SMPD3: variants seen among roughly 807,000 people sequenced by gnomAD.
The protein encoded by SMPD3 is nSMase-2.
SMPD3 carries 21 observed loss-of-function variants against 55.7 expected under a neutral mutation model. The ratio of observed to expected loss-of-function variants is 0.38; its 90% CI spans 0.27 to 0.54. SMPD3 has a LOEUF of 0.54. Among genes scored for constraint, SMPD3 ranks in the 20% least tolerant of loss-of-function variants. SMPD3 has a pLI of 0.80. For missense variants in SMPD3, 842 were observed against 899.6 expected (o/e 0.94, Z 0.82); for synonymous variants, 457 against 404.3 (o/e 1.13, Z -1.56).
chr16:68,440,814 G>A (rs74024531), intron 1 of SMPD3, among the ~76,000 whole-genome samples: 3,214 of 152,256 alleles, frequency 0.021, 116 homozygotes, highest in African/African-American at 0.073. Context: ...TTCCCCTGAG[G>A]AATCTGGGAG....
At chr16:68,400,961 T>C (rs2090200078) in intron 1 of SMPD3, among the ~76,000 whole-genome samples, 1 of 152,246 alleles carries the variant, frequency 6.6e-6, no homozygotes. Context: ...ATGCTTGTGA[T>C]TGGATCTGCT....
Position 68,363,842 on chromosome 16 carries a change from G to A in SMPD3, c.1580C>T (p.Ser527Phe), listed in dbSNP as rs2089393267. The A allele has an allele frequency of 1.3e-6, 2 of 1,568,370 alleles. No homozygotes were observed. Among genetic ancestry groups the A allele is most frequent in the Middle Eastern group, 1.7e-4 (1 of 5,998 alleles). Residue 527 changes from serine to phenylalanine, a missense_variant, in exon 6 of 9, where the codon TCC becomes TTC. By Grantham distance (155) the Ser-to-Phe change is radical. Coordinates refer to ENST00000219334, the MANE Select transcript of SMPD3 (RefSeq NM_018667.4). ...SSDDKLEQQH[S>F]LFTHYRDPCR... is the part of the protein sequence containing the mutation. ...GGGGTCCCTGTAGTGGGTGAACAGG[G>A]AGTGTTGCTGCTCCAGCTTGTCGTC...
chr16:68,367,665 T>G (rs2151978227), intron 3 of SMPD3: 1 of 152,298 alleles, frequency 6.6e-6, no homozygotes, highest in Non-Finnish European at 1.5e-5. Context: ...GAGGTCCTGC[T>G]CCCTCCCGCC....
At chr16:68,374,139 T>G (rs1028199224) in intron 2 of SMPD3, among the ~76,000 whole-genome samples, 12 of 152,198 alleles carry the variant, frequency 7.9e-5, no homozygotes, top group Non-Finnish European at 1.5e-4. Context: ...AGTCCCAGGC[T>G]TGCACCAGCA....
chr16:68,364,412 A>G (rs372343929), intron 5 of SMPD3: 10 of 274,636 alleles, frequency 3.6e-5, no homozygotes, highest in African/African-American at 2.0e-4. Flanking sequence ...CTTAAGTGAA[A>G]CAGCGATAGA....
In SMPD3 at chr16:68,380,082, GTCAC is replaced by G. The variant is rs2089914611; in HGVS notation, c.-207+6512_-207+6515del. The stretch of plus-strand genomic sequence containing the variant: ...CCTGACTGCCCACTCTCTACCACCT[GTCAC>G]TCCAAAGTCATCTATTAGTGACCAC... On this transcript the variant is annotated intron_variant, in intron 2 of 8. Transcript: ENST00000219334. Among the ~76,000 whole-genome samples, 6 of 152,248 alleles carry G rather than the reference GTCAC, an allele frequency of 3.9e-5. No homozygotes were observed. In the South Asian group the frequency reaches 6.2e-4, roughly 16 times the overall value.
chr16:68,434,732 T>C (rs1045138555), intron 1 of SMPD3, among the ~76,000 whole-genome samples: 4 of 152,198 alleles, frequency 2.6e-5, no homozygotes, highest in African/African-American at 9.7e-5. Context: ...AAGGGAGACA[T>C]CTTGTTTCTC....
Position 68,361,676 on chromosome 16 carries a change from AGCTCCTTCC to A in SMPD3, c.1784_1792del (p.Arg595_Glu597del), listed in dbSNP as rs768723478. 4.8e-5 allele frequency: 78 copies of A among 1,612,734 alleles called. No homozygotes were observed. The Middle Eastern group carries it at 8.2e-4, about 17-fold the overall frequency. ...GATGCGCCGGCCGTTGCCCTTCAGC[AGCTCCTTCC>A]GCCCCTTCTGGCCCGAGCTCTTGCT... On this transcript the variant is annotated inframe_deletion, in exon 8 of 9. Transcript: ENST00000219334.
intron 1 of SMPD3, among the ~76,000 whole-genome samples, chr16:68,386,878 T>G (rs894248006): frequency 6.6e-6 from 1 of 152,046 alleles, no homozygotes; most frequent in African/African-American, 2.4e-5. Context: ...GGCCCGAGGT[T>G]TGTGTGACAG....
intron 1 of SMPD3, among the ~76,000 whole-genome samples, chr16:68,423,266 C>T (rs1040313405): frequency 6.6e-6 from 1 of 152,164 alleles, no homozygotes; most frequent in Non-Finnish European, 1.5e-5. Context: ...CCTGGGATTC[C>T]TCAGAGAGTT....
chr16:68,361,173 A>G lies in SMPD3; in HGVS notation c.*33T>C, dbSNP rs564777230. On this transcript the variant is annotated 3_prime_UTR_variant, in exon 9 of 9. Transcript: ENST00000219334. ...GGCCCAGGGATGGGCTGCAGCTGCAAGGGCTGGCAGAGGCCCCGCTGCTCC... is the reference window on the plus strand; with the variant it reads ...GGCCCAGGGATGGGCTGCAGCTGCAGGGGCTGGCAGAGGCCCCGCTGCTCC... 1 of 1,592,334 alleles carries G rather than the reference A, an allele frequency of 6.3e-7. No individual in the cohort carries two copies. The highest frequency in any genetic ancestry group is 1.3e-5 in the African/African-American group (1 of 74,402).
intron 1 of SMPD3, among the ~76,000 whole-genome samples, chr16:68,409,617 G>T (rs1005519993): frequency 6.6e-6 from 1 of 152,050 alleles, no homozygotes; most frequent in African/African-American, 2.4e-5. Context: ...TTTTTGAGAC[G>T]GAGTTTCACT....
chr16:68,442,007 C>G (rs1382275147), intron 1 of SMPD3, among the ~76,000 whole-genome samples: 1 of 152,196 alleles, frequency 6.6e-6, no homozygotes, highest in Admixed American at 6.5e-5. Flanking sequence ...CTCAAGCAAG[C>G]CTCCTGCCTC....
chr16:68,399,442 G>T (rs1272880613), intron 1 of SMPD3, among the ~76,000 whole-genome samples: 1 of 152,232 alleles, frequency 6.6e-6, no homozygotes, highest in Non-Finnish European at 1.5e-5. Context: ...GGCCTTGGAT[G>T]TAAAGAGAAC....
chr16:68,440,246 GA>G lies in SMPD3; in HGVS notation c.-269+8106del, dbSNP rs1182582216. ...GGTCTCATTCCAGTAGCCCAAGCTG[GA>G]GTACAGTGGTGCAATGTTGGCTCAC... is the stretch of plus-strand genomic sequence containing the variant. On this transcript the variant is annotated intron_variant, in intron 1 of 8. Coordinates refer to ENST00000219334, the MANE Select transcript of SMPD3 (RefSeq NM_018667.4). Among the ~76,000 whole-genome samples the G allele has an allele frequency of 7.2e-5, 11 of 152,246 alleles. 1 individual carries two copies. The East Asian group carries it at 2.1e-3, about 29-fold the overall frequency.
chr16:68,406,755 C>T (rs1197321172), intron 1 of SMPD3, among the ~76,000 whole-genome samples: 2 of 152,302 alleles, frequency 1.3e-5, no homozygotes, highest in South Asian at 4.1e-4. Context: ...TTATCATGTG[C>T]AAAATGTTCC....
intron 1 of SMPD3, among the ~76,000 whole-genome samples, chr16:68,389,669 C>T (rs1274108888): frequency 6.6e-6 from 1 of 152,164 alleles, no homozygotes; most frequent in Non-Finnish European, 1.5e-5. Context: ...AGTCACACAG[C>T]CTTCCATCTG....
chr16:68,448,373 G>A lies in SMPD3; in HGVS notation c.-289C>T, dbSNP rs1308114279. On this transcript the variant is annotated 5_prime_UTR_variant, in exon 1 of 9. Transcript: ENST00000219334. ...CTGACCTCTGACGGCGGGCGGGAGG[G>A]CGGTCAGCGCCCGGCAGCGCACCCC... 1 of 152,056 alleles carries A rather than the reference G, an allele frequency of 6.6e-6. No individual in the cohort carries two copies. Among genetic ancestry groups the A allele is most frequent in the Non-Finnish European group, 1.5e-5 (1 of 68,006 alleles). The allele number at this position is 152,056 out of a possible 1,614,324, so 9.4% of individuals were successfully genotyped here. A position where few individuals can be genotyped will look rare whatever the true frequency, so the allele number is the denominator to read the frequency against.
intron 1 of SMPD3, among the ~76,000 whole-genome samples, chr16:68,421,126 C>T (rs2090389882): frequency 6.6e-6 from 1 of 152,208 alleles, no homozygotes; most frequent in Admixed American, 6.5e-5. Flanking sequence ...ACTGGCCCAC[C>T]TGGGTTCACA....
Sources: gnomAD v4.1 joint callset for allele counts (sites outside exome capture counted in the v4.1 genomes callset) on GRCh38, gnomAD v4.1.1 for gene constraint, MANE v1.5 for transcripts, NCBI Gene and HGNC (gene_info 2026-07-23, HGNC 2026-07-21) for gene names.